SI: variants seen among roughly 807,000 people sequenced by gnomAD.
SI encodes the protein sucrase-isomaltase.
In SI, 235 loss-of-function variants were observed where a neutral mutation model predicts 253.3. The ratio of observed to expected loss-of-function variants is 0.93; its 90% CI spans 0.83 to 1.03. The LOEUF (loss-of-function observed/expected upper bound fraction) is 1.03, where lower values mean the gene tolerates loss of function less well. Ranked by LOEUF, SI falls within the 50% of genes least tolerant of loss-of-function variation. The probability of loss-of-function intolerance (pLI) is 0.00; values close to 1 mark genes in which losing one functional copy is unlikely to be tolerated. For synonymous variants in SI, 819 were observed against 712.0 expected (o/e 1.15, Z -2.39); for missense variants, 2,442 against 2,211.1 (o/e 1.10, Z -2.09).
At chr3:165,067,242 G>T in intron 6 of SI, 98 bp downstream of exon 6, 1 of 952,970 alleles carries the variant, frequency 1.0e-6, no homozygotes, top group Non-Finnish European at 1.6e-6. Flanking sequence ...CCCTCTTTTG[G>T]GAGGAAATTT....
intron 31 of SI, 139 bp downstream of exon 31, chr3:165,017,409 C>T: frequency 2.8e-6 from 2 of 714,688 alleles, no homozygotes; most frequent in South Asian, 1.8e-5. Flanking sequence ...TTATAAATCT[C>T]ATATCCAATA....
the SI span, among the ~76,000 whole-genome samples, chr3:165,083,795 C>T: frequency 6.6e-6 from 1 of 151,692 alleles, no homozygotes; most frequent in African/African-American, 2.4e-5. Flanking sequence ...AAACTATTTG[C>T]ATAGATACAC....
intron 34 of SI, among the ~76,000 whole-genome samples, chr3:165,010,426 G>T (rs890555455): frequency 6.6e-6 from 1 of 152,150 alleles, no homozygotes; most frequent in Admixed American, 6.5e-5. Flanking sequence ...CTCCCAAAGT[G>T]CTGGGATTAC....
chr3:165,059,222 G>A lies in SI; in HGVS notation c.1224C>T (p.Leu408=). 6.2e-7 allele frequency: 1 copy of A among 1,612,686 alleles called. No individual in the cohort carries two copies. Among genetic ancestry groups the A allele is most frequent in the Non-Finnish European group, 8.5e-7 (1 of 1,179,224 alleles). ...FTYDQVAFNG[L]PQFVQDLHDH... ...CATGCAAATCTTGCACAAATTGAGG[G>A]AGTCCGTTAAACGCAACTTGATCAT... The change falls in exon 11 of 48, where the codon CTC becomes CTT. Residue 408 remains leucine, a synonymous_variant. Transcript: ENST00000264382.
intron 34 of SI, among the ~76,000 whole-genome samples, chr3:165,010,673 T>G (rs1025388616): frequency 5.3e-5 from 8 of 152,182 alleles, no homozygotes; most frequent in Non-Finnish European, 1.2e-4. Flanking sequence ...ATTTTTTAGT[T>G]TAACTTATTC....
At position 165,030,769 on chromosome 3, in the gene SI, T is replaced by C; in HGVS notation, c.2835A>G (p.Pro945=). 6.2e-7 allele frequency: 1 copy of C among 1,608,790 alleles called. No homozygotes were observed. Among genetic ancestry groups the C allele is most frequent in the Non-Finnish European group, 8.5e-7 (1 of 1,176,892 alleles). The change falls in exon 25 of 48, where the codon CCA becomes CCG. Residue 945 remains proline (P), a synonymous_variant. Transcript: ENST00000264382. ...TTTGTTCAGTTGCCAAATCTGCATCTGGATAACAATTAAATCTTTCATTTT... is the reference window on the plus strand; with the variant it reads ...TTTGTTCAGTTGCCAAATCTGCATCCGGATAACAATTAAATCTTTCATTTT... ...FSENERFNCY[P]DADLATEQKC...
chr3:165,074,684 C>T lies in SI; in HGVS notation c.119-17G>A, dbSNP rs1225850023. 4 of 1,597,618 alleles carry T rather than the reference C, an allele frequency of 2.5e-6. No homozygotes were observed. The highest frequency in any genetic ancestry group is 3.4e-6 in the Non-Finnish European group (4 of 1,166,552). ...CACTAATTTCTGGGGGAGGAAAAAA[C>T]TCAATAAAATAAAACATGACATTAA... On this transcript the variant is annotated splice_polypyrimidine_tract_variant and intron_variant, in intron 2 of 47. Transcript: ENST00000264382.
In SI at chr3:165,046,975, T is replaced by C. The variant is rs878881961; in HGVS notation, c.1753A>G (p.Ile585Val). 1.9e-6 allele frequency: 3 copies of C among 1,611,204 alleles called. No homozygotes were observed. In the South Asian group the frequency reaches 3.3e-5, roughly 18 times the overall value. The change falls in exon 16 of 48, where the codon ATT (isoleucine) becomes GTT (valine). Residue 585 changes from isoleucine to valine, a missense_variant. By Grantham distance (29) the Ile-to-Val change is conservative (BLOSUM62 3). Coordinates refer to ENST00000264382, the MANE Select transcript of SI (RefSeq NM_001041.4). Reference protein sequence around the residue: ...QKVFPNKRSFILTRSTFAGSG... With the variant: ...QKVFPNKRSFVLTRSTFAGSG... ...CCAGCAAATGTTGAGCGGGTAAGAA[T>C]GAAGCTTCTCTTATTAGGAAAAACT...
intron 47 of SI, 43 bp from the exon 48 acceptor site, chr3:164,979,473 A>G (rs1717074973): frequency 1.9e-6 from 2 of 1,080,300 alleles, no homozygotes; most frequent in Admixed American, 1.7e-5. Flanking sequence ...TCACAACCAC[A>G]TTTTTCTTAT....
intron 25 of SI, among the ~76,000 whole-genome samples, chr3:165,029,159 G>A (rs1712085892): frequency 6.6e-6 from 1 of 150,758 alleles, no homozygotes; most frequent in Non-Finnish European, 1.5e-5. Context: ...TGAACAAATG[G>A]CCAACAAACA....
intron 37 of SI, among the ~76,000 whole-genome samples, chr3:165,003,135 T>G (rs777923796): frequency 5.3e-5 from 8 of 151,876 alleles, no homozygotes; most frequent in Non-Finnish European, 1.2e-4. Flanking sequence ...TAATGATGAA[T>G]TTATTTAAAT....
chr3:165,065,629 A>G (rs1410600489), intron 6 of SI, among the ~76,000 whole-genome samples, 197 bp from the exon 7 acceptor site: 1 of 150,878 alleles, frequency 6.6e-6, no homozygotes, highest in Non-Finnish European at 1.5e-5. Context: ...CTGCATCAAC[A>G]CAATTTTTGC....
intron 25 of SI, among the ~76,000 whole-genome samples, chr3:165,029,280 AT>A (rs1325749150): frequency 6.6e-6 from 1 of 150,874 alleles, no homozygotes; most frequent in Non-Finnish European, 1.5e-5. Context: ...TAAAAAAAAA[AT>A]AGATGTTGGC....
the SI span, among the ~76,000 whole-genome samples, chr3:165,088,103 T>G: frequency 6.6e-6 from 1 of 152,288 alleles, no homozygotes; most frequent in South Asian, 2.1e-4. Flanking sequence ...CCCAGCACTT[T>G]GGGAGGCTGA....
intron 12 of SI, 82 bp from the exon 13 acceptor site, chr3:165,055,389 T>G (rs778114674): frequency 1.1e-5 from 9 of 790,614 alleles, no homozygotes; most frequent in Non-Finnish European, 1.9e-5. Context: ...AAGTTGAGAA[T>G]AGTAAAAAAA....
chr3:164,986,337 A>G (rs1287437639), intron 45 of SI, among the ~76,000 whole-genome samples: 1 of 152,190 alleles, frequency 6.6e-6, no homozygotes, highest in Non-Finnish European at 1.5e-5. Context: ...TATAAAGCCT[A>G]GAAATGTTAC....
chr3:165,059,928 T>C lies in SI; in HGVS notation c.1120A>G (p.Arg374Gly). ...AATGGTATGCCAGCTTCCCGGTTTCTCCTTACCACTTCTTTCACTACATCT... is the reference window on the plus strand; with the variant it reads ...AATGGTATGCCAGCTTCCCGGTTTCCCCTTACCACTTCTTTCACTACATCT... ...SLDVVKEVVR[R>G]NREAGIPFDT... Residue 374 changes from arginine to glycine, a missense_variant, in exon 10 of 48, where the codon AGA becomes GGA. Coordinates refer to ENST00000264382, the MANE Select transcript of SI (RefSeq NM_001041.4). 4 of 1,612,210 alleles carry C rather than the reference T, an allele frequency of 2.5e-6. No individual in the cohort carries two copies. Among genetic ancestry groups the C allele is most frequent in the Non-Finnish European group, 3.4e-6 (4 of 1,178,670 alleles).
intron 38 of SI, among the ~76,000 whole-genome samples, chr3:164,997,211 G>T (rs1196873518): frequency 6.6e-6 from 1 of 151,344 alleles, no homozygotes; most frequent in Non-Finnish European, 1.5e-5. Context: ...ATCCTTTAAG[G>T]AGTAATCAAT....
At chr3:165,007,526 T>G (rs1295289617) in intron 36 of SI, among the ~76,000 whole-genome samples, 1 of 152,016 alleles carries the variant, frequency 6.6e-6, no homozygotes. Flanking sequence ...CCTTTCAAAA[T>G]AATTTTATTT....
Sources: gnomAD v4.1 joint callset for allele counts (sites outside exome capture counted in the v4.1 genomes callset) on GRCh38, gnomAD v4.1.1 for gene constraint, MANE v1.5 for transcripts, NCBI Gene and HGNC (gene_info 2026-07-23, HGNC 2026-07-21) for gene names.